SMOC2: variants seen among roughly 807,000 people sequenced by gnomAD.
SMOC2 encodes SPARC-related modular calcium-binding protein 2.
In SMOC2, 39 loss-of-function variants were observed where a neutral mutation model predicts 61.4. The ratio of observed to expected loss-of-function variants is 0.64; its 90% CI spans 0.49 to 0.83. The LOEUF is 0.83. Among genes scored for constraint, SMOC2 ranks in the 40% least tolerant of loss-of-function variants. The pLI is 0.00. For synonymous variants in SMOC2, 247 were observed against 239.9 expected, an observed-to-expected ratio of 1.03 and a Z score of -0.27; for missense variants, 556 against 592.9, an observed-to-expected ratio of 0.94 and a Z score of 0.65.
chr6:168,528,993 G>T (rs1272466724), intron 4 of SMOC2, among the ~76,000 whole-genome samples: 2 of 152,164 alleles, frequency 1.3e-5, no homozygotes, highest in African/African-American at 4.8e-5. Context: ...GGAAAGCAGT[G>T]GGGATAGGGG....
intron 1 of SMOC2, among the ~76,000 whole-genome samples, chr6:168,460,497 C>T (rs2763278): frequency 0.73 from 110,525 of 152,032 alleles, 40,545 homozygotes; most frequent in African/African-American, 0.81. Flanking sequence ...GTAAAGAAAA[C>T]TAGTCTATTT....
chr6:168,522,130 A>G (rs973294940), intron 2 of SMOC2, among the ~76,000 whole-genome samples: 1 of 152,234 alleles, frequency 6.6e-6, no homozygotes, highest in Admixed American at 6.5e-5. Flanking sequence ...TGATTATAGT[A>G]ATATAATACT....
Position 168,582,361 on chromosome 6 carries a change from T to G in SMOC2, c.638-16457T>G, listed in dbSNP as rs1022037335. 5.9e-5 allele frequency among the ~76,000 whole-genome samples: 9 copies of G among 152,128 alleles called. No homozygotes were observed. In the South Asian group the frequency reaches 1.9e-3, roughly 32 times the overall value. On this transcript the variant is annotated intron_variant, in intron 7 of 12. Coordinates refer to ENST00000356284, the MANE Select transcript of SMOC2 (RefSeq NM_001166412.2). ...CCGTTACTAGCTCTCCCCACTTTGTTGTGAGTGGGTGAGTGTGAGTGCGTG... is the reference window on the plus strand; with the variant it reads ...CCGTTACTAGCTCTCCCCACTTTGTGGTGAGTGGGTGAGTGTGAGTGCGTG...
chr6:168,543,814 C>A, intron 5 of SMOC2, 142 bp downstream of exon 5: 1 of 759,576 alleles, frequency 1.3e-6, no homozygotes, highest in Non-Finnish European at 2.2e-6. Context: ...ATTCATTCAG[C>A]AATGCCATTC....
chr6:168,664,472 C>A, intron 12 of SMOC2: 1 of 412,624 alleles, frequency 2.4e-6, no homozygotes, highest in Non-Finnish European at 4.6e-6. Context: ...CAGGCTCAAG[C>A]AATCCACCTG....
rs535318212 is a variant in SMOC2, at chr6:168,553,235, G to A, written c.637+4032G>A. ...TGTGAATCATATACATTAAATAAAC[G>A]AGTAAAATCTGAAGTTGCCTGTTAC... On this transcript the variant is annotated intron_variant, in intron 7 of 12. Coordinates refer to ENST00000356284, the MANE Select transcript of SMOC2 (RefSeq NM_001166412.2). The surrounding 1 kb of genome is among the most constrained non-coding windows in gnomAD (Gnocchi z 4.2). Among the ~76,000 whole-genome samples, 11 of 152,078 alleles carry A rather than the reference G, an allele frequency of 7.2e-5. No individual in the cohort carries two copies. In the South Asian group the frequency reaches 8.3e-4, roughly 11 times the overall value.
intron 1 of SMOC2, among the ~76,000 whole-genome samples, chr6:168,480,439 A>C (rs1782181263): frequency 6.6e-6 from 1 of 152,172 alleles, no homozygotes; most frequent in Admixed American, 6.5e-5. Context: ...AAAAGAAATA[A>C]AGAAATTCTG....
chr6:168,443,639 G>T (rs144269635), intron 1 of SMOC2, among the ~76,000 whole-genome samples: 4 of 152,332 alleles, frequency 2.6e-5, no homozygotes, highest in South Asian at 2.1e-4. Context: ...CTGACTGGTC[G>T]CTGGGAGATG....
intron 7 of SMOC2, among the ~76,000 whole-genome samples, chr6:168,582,246 T>C (rs754551505): frequency 3.3e-5 from 5 of 152,082 alleles, no homozygotes; most frequent in Non-Finnish European, 4.4e-5. Flanking sequence ...AGGGATGTCA[T>C]GGATTGGTTT....
At chr6:168,588,029 G>A (rs1265638236) in intron 7 of SMOC2, among the ~76,000 whole-genome samples, 3 of 151,708 alleles carry the variant, frequency 2.0e-5, no homozygotes. Context: ...GGTGAGGGGT[G>A]GGGGTGATTC....
At chr6:168,626,345 T>G (rs1224907666) in intron 9 of SMOC2, among the ~76,000 whole-genome samples, 1 of 152,160 alleles carries the variant, frequency 6.6e-6, no homozygotes, top group Non-Finnish European at 1.5e-5. Context: ...CCAGCGTCTG[T>G]TTTTCCTCGT....
intron 4 of SMOC2, among the ~76,000 whole-genome samples, chr6:168,539,459 A>T (rs576049165): frequency 6.6e-6 from 1 of 152,192 alleles, no homozygotes; most frequent in Non-Finnish European, 1.5e-5. Flanking sequence ...TGGTCCGTTC[A>T]TAAGTGGGAA....
At chr6:168,519,827 A>G (rs1329581145) in intron 2 of SMOC2, among the ~76,000 whole-genome samples, 2 of 152,226 alleles carry the variant, frequency 1.3e-5, no homozygotes, top group African/African-American at 4.8e-5. Flanking sequence ...GGTTTCTTGT[A>G]TAAATATTAT....
chr6:168,473,397 CCTTACCTGCCACCTGTGTGCCCTGTGGT>C (rs1300198982), intron 1 of SMOC2, among the ~76,000 whole-genome samples: 71 of 152,306 alleles, frequency 4.7e-4, no homozygotes, highest in African/African-American at 1.3e-3. Flanking sequence ...GCAGCACCGC[CCTTACCTGCCACCTGTGTGCCCTGTGGT>C]CTTACCTGCC....
At chr6:168,466,149 G>A (rs960349934) in intron 1 of SMOC2, among the ~76,000 whole-genome samples, 6 of 151,470 alleles carry the variant, frequency 4.0e-5, no homozygotes, top group Non-Finnish European at 8.8e-5. Context: ...AGCTGGAACT[G>A]GGAGGCTCTG....
chr6:168,621,554 A>G (rs551195413), intron 9 of SMOC2, among the ~76,000 whole-genome samples: 2 of 152,352 alleles, frequency 1.3e-5, no homozygotes, highest in South Asian at 2.1e-4. Context: ...AGATGGGGTA[A>G]TTTATAAAGT....
chr6:168,639,283 C>T (rs1047941518), intron 9 of SMOC2, among the ~76,000 whole-genome samples: 23 of 152,194 alleles, frequency 1.5e-4, no homozygotes, highest in African/African-American at 4.6e-4. Context: ...CTGTAGGACC[C>T]GACCTTCTGT....
At chr6:168,563,445 T>G (rs1488305373) in intron 7 of SMOC2, among the ~76,000 whole-genome samples, 1 of 152,102 alleles carries the variant, frequency 6.6e-6, no homozygotes, top group African/African-American at 2.4e-5. Context: ...AGATACACAG[T>G]CATACACACA....
At chr6:168,470,042 G>T (rs1161110108) in intron 1 of SMOC2, among the ~76,000 whole-genome samples, 1 of 152,210 alleles carries the variant, frequency 6.6e-6, no homozygotes, top group Non-Finnish European at 1.5e-5. Flanking sequence ...CTTCTGCTGT[G>T]AGCCAAGGCT....
Sources: gnomAD v4.1 joint callset for allele counts (sites outside exome capture counted in the v4.1 genomes callset) on GRCh38, gnomAD v4.1.1 for gene constraint, Gnocchi (gnomAD v3.1) non-coding constraint, MANE v1.5 for transcripts, NCBI Gene and HGNC (gene_info 2026-07-23, HGNC 2026-07-21) for gene names.